Variants in ATP1A1 observed in about 807,000 individuals in gnomAD.
ATP1A1 encodes the protein ATPase Na+/K+ transporting subunit alpha 1, also known as sodium/potassium-transporting ATPase subunit alpha-1.
Under a neutral mutation model 114.8 loss-of-function variants are expected in ATP1A1, and 14 were observed. The ratio of observed to expected loss-of-function variants is 0.12; its 90% CI spans 0.08 to 0.19. ATP1A1 has a LOEUF of 0.19. ATP1A1 is among the 10% of genes least tolerant of loss of function. The pLI, the probability that ATP1A1 is intolerant of heterozygous loss-of-function variation, is 1.00. For synonymous variants in ATP1A1, 471 were observed against 466.3 expected, an observed-to-expected ratio of 1.01 and a Z score of -0.13; for missense variants, 524 against 1,290.7, an observed-to-expected ratio of 0.41 and a Z score of 9.10.
Position 116,393,744 on chromosome 1 carries a change from CAG to C in ATP1A1, c.1660+24_1660+25del. On this transcript the variant is annotated intron_variant, in intron 12 of 22. Coordinates refer to ENST00000295598, the MANE Select transcript of ATP1A1 (RefSeq NM_000701.8). This position sits in a 1 kb window ranked among gnomAD's most constrained non-coding sequence, Gnocchi z 5.0. ...CCTAGGTATGCAGATAACCTGGTAA[CAG>C]AGTGCCTGGGCACGTTTTTATCCAG... 1 of 1,605,750 alleles carries C rather than the reference CAG, an allele frequency of 6.2e-7. No individual in the cohort carries two copies. Among genetic ancestry groups the C allele is most frequent in the Non-Finnish European group, 8.5e-7 (1 of 1,176,150 alleles).
intron 10 of ATP1A1, among the ~76,000 whole-genome samples, chr1:116,391,456 T>C (rs1570960682): frequency 6.6e-6 from 1 of 152,186 alleles, no homozygotes; most frequent in Admixed American, 6.5e-5. Context: ...TTTGAAATGA[T>C]TGAGATTTTA....
In ATP1A1 at chr1:116,373,483, C is replaced by T. The variant is rs191795671; in HGVS notation, c.-29C>T. On this transcript the variant is annotated 5_prime_UTR_variant, in exon 1 of 23. Transcript: ENST00000295598. ...TCTCTCTGATTCTCCAGCGACAGGA[C>T]CCGGCGCCGGGCACTGAGCACCGCC... The T allele has an allele frequency of 0.02, 30,110 of 1,514,206 alleles. 408 individuals carry two copies. The highest frequency in any genetic ancestry group is 0.038 in the South Asian group (3,078 of 80,674). The allele number at this position is 1,514,206 out of a possible 1,614,324, so 93.8% of individuals were successfully genotyped here.
intron 1 of ATP1A1, among the ~76,000 whole-genome samples, chr1:116,380,487 A>G (rs1244512072): frequency 6.6e-6 from 1 of 152,224 alleles, no homozygotes; most frequent in Non-Finnish European, 1.5e-5. Flanking sequence ...TAGCTTATGC[A>G]GACCTGAAGC....
At position 116,395,901 on chromosome 1, in the gene ATP1A1, G is replaced by A. The variant is rs562035024; in HGVS notation, c.1836+616G>A. ...CAAGTAGCTGGAATTACAGGCACCC[G>A]CTACCACGCCCAGCTAATTTTTGTA... On this transcript the variant is annotated intron_variant, in intron 13 of 22. Coordinates refer to ENST00000295598, the MANE Select transcript of ATP1A1 (RefSeq NM_000701.8). This position sits in a 1 kb window ranked among gnomAD's most constrained non-coding sequence, Gnocchi z 6.4. Among the ~76,000 whole-genome samples, 23 of 152,080 alleles carry A rather than the reference G, an allele frequency of 1.5e-4. No homozygotes were observed. The highest frequency in any genetic ancestry group is 5.5e-4 in the African/African-American group (23 of 41,476).
chr1:116,380,387 T>C (rs966872103), intron 1 of ATP1A1, among the ~76,000 whole-genome samples: 2 of 152,144 alleles, frequency 1.3e-5, no homozygotes, highest in Non-Finnish European at 2.9e-5. Flanking sequence ...GCTGATATGG[T>C]GGGAAAAATG....
At chr1:116,373,862 C>CT in intron 1 of ATP1A1, 1 of 1,259,646 alleles carries the variant, frequency 7.9e-7, no homozygotes, top group South Asian at 2.5e-5. Flanking sequence ...GAGGAGGGGG[C>CT]TTGCAGCAGC....
intron 21 of ATP1A1, among the ~76,000 whole-genome samples, chr1:116,403,656 G>A (rs971982703): frequency 6.6e-6 from 1 of 152,186 alleles, no homozygotes; most frequent in African/African-American, 2.4e-5. Flanking sequence ...CCATTACAAA[G>A]TCTGCAGACT....
intron 18 of ATP1A1, 96 bp from the exon 19 acceptor site, chr1:116,400,765 A>G: frequency 7.0e-7 from 1 of 1,425,220 alleles, no homozygotes; most frequent in Non-Finnish European, 9.6e-7. Flanking sequence ...ACTCCTCCAT[A>G]TGTGCTCTCC....
At position 116,401,883 on chromosome 1, in the gene ATP1A1, A is replaced by C. The variant is rs1653509245; in HGVS notation, c.2951+228A>C. The C allele has an allele frequency of 1.7e-6, 1 of 574,970 alleles. No homozygotes were observed. The highest frequency in any genetic ancestry group is 1.9e-5 in the African/African-American group (1 of 53,204). 35.6% of individuals were successfully genotyped at this position (574,970 alleles called of 1,614,324 possible). ...TAGGATTTGGCCCAAGATAAGATAA[A>C]GCCACACAGGCTCTAGCTCCATGGA... On this transcript the variant is annotated intron_variant, in intron 21 of 22. Coordinates refer to ENST00000295598, the MANE Select transcript of ATP1A1 (RefSeq NM_000701.8). The surrounding 1 kb of genome is among the most constrained non-coding windows in gnomAD (Gnocchi z 4.7).
Position 116,395,643 on chromosome 1 carries a change from T to C in ATP1A1, c.1836+358T>C, listed in dbSNP as rs1652844452. Reference sequence around the variant, plus strand: ...TTTCAGTTAACTGTTTGTTAATGAGTGTTTGGTGTCCTCTGTGTATCTGTC... The same window carrying C: ...TTTCAGTTAACTGTTTGTTAATGAGCGTTTGGTGTCCTCTGTGTATCTGTC... On this transcript the variant is annotated intron_variant, in intron 13 of 22. Coordinates refer to ENST00000295598, the MANE Select transcript of ATP1A1 (RefSeq NM_000701.8). This position sits in a 1 kb window ranked among gnomAD's most constrained non-coding sequence, Gnocchi z 6.4. 2.0e-5 allele frequency among the ~76,000 whole-genome samples: 3 copies of C among 152,204 alleles called. No homozygotes were observed. The highest frequency in any genetic ancestry group is 1.9e-4 in the East Asian group (1 of 5,202).
Position 116,394,813 on chromosome 1 carries a change from T to A in ATP1A1, c.1661-297T>A, listed in dbSNP as rs529738778. The stretch of plus-strand genomic sequence containing the variant: ...TCATCAGTGGGCAAGTCTAGAACCC[T>A]AATATCCTGGTGCTCAAAATTAGTG... On this transcript the variant is annotated intron_variant, in intron 12 of 22. Transcript: ENST00000295598. Among the ~76,000 whole-genome samples the A allele has an allele frequency of 2.5e-3, 377 of 152,306 alleles. 2 individuals carry two copies. Among genetic ancestry groups the A allele is most frequent in the African/African-American group, 8.5e-3 (355 of 41,570 alleles).
rs557767586 is a variant in ATP1A1, at chr1:116,389,239, A to G, written c.755-200A>G. 3.3e-5 allele frequency among the ~76,000 whole-genome samples: 5 copies of G among 152,224 alleles called. No individual in the cohort carries two copies. The highest frequency in any genetic ancestry group is 2.6e-4 in the Admixed American group (4 of 15,264). Reference sequence around the variant, plus strand: ...CTTCTGTCAACAACACCAGTCTGGCATGGGTGTTGGAGCTGCTGTCCTGCT... The same window carrying G: ...CTTCTGTCAACAACACCAGTCTGGCGTGGGTGTTGGAGCTGCTGTCCTGCT... On this transcript the variant is annotated intron_variant, in intron 7 of 22. Transcript: ENST00000295598. The surrounding 1 kb of genome is among the most constrained non-coding windows in gnomAD (Gnocchi z 6.9).
chr1:116,402,150 G>GGTA (rs1480871177), intron 21 of ATP1A1: 1 of 154,544 alleles, frequency 6.5e-6, no homozygotes, highest in Non-Finnish European at 1.4e-5. Context: ...ATCAGTCATG[G>GGTA]GTAGAGTTGA....
chr1:116,398,616 G>A lies in ATP1A1; in HGVS notation c.2125-5G>A, dbSNP rs1160379377. The A allele has an allele frequency of 6.2e-7, 1 of 1,612,918 alleles. No individual in the cohort carries two copies. The highest frequency in any genetic ancestry group is 1.7e-5 in the Admixed American group (1 of 59,942). The stretch of plus-strand genomic sequence containing the variant: ...TATTAACCCGTTTTCCCTTTTCTGG[G>A]GTAGGGTGCTATCGTGGCTGTGACT... On this transcript the variant is annotated splice_polypyrimidine_tract_variant and splice_region_variant and intron_variant, in intron 15 of 22. Transcript: ENST00000295598. This position sits in a 1 kb window ranked among gnomAD's most constrained non-coding sequence, Gnocchi z 6.1.
Position 116,399,563 on chromosome 1 carries a change from G to A in ATP1A1, c.2572+20G>A. On this transcript the variant is annotated intron_variant, in intron 18 of 22. Transcript: ENST00000295598. The surrounding 1 kb of genome is among the most constrained non-coding windows in gnomAD (Gnocchi z 5.0). The stretch of plus-strand genomic sequence containing the variant: ...AGATTGGTAAGCTGCAGCCTGGAGT[G>A]GGAAGCTGGCACATCTAAGGCATCT... 2 of 1,613,452 alleles carry A rather than the reference G, an allele frequency of 1.2e-6. No individual in the cohort carries two copies. Among genetic ancestry groups the A allele is most frequent in the African/African-American group, 1.3e-5 (1 of 74,976 alleles).
chr1:116,404,054 G>A lies in ATP1A1; in HGVS notation c.3043+79G>A. ...TCTATTGGTTTTTTGTTTCCCTCAA[G>A]GTGTCTAGGCTCCCTCAGTGGTCAG... On this transcript the variant is annotated intron_variant, in intron 22 of 22. Transcript: ENST00000295598. This position sits in a 1 kb window ranked among gnomAD's most constrained non-coding sequence, Gnocchi z 4.8. The A allele has an allele frequency of 2.1e-6, 3 of 1,406,004 alleles. No homozygotes were observed. The highest frequency in any genetic ancestry group is 3.0e-6 in the Non-Finnish European group (3 of 1,006,510). 87.1% of individuals were successfully genotyped at this position (1,406,004 alleles called of 1,614,324 possible).
At position 116,374,055 on chromosome 1, in the gene ATP1A1, C is replaced by T. The variant is rs908013299; in HGVS notation, c.12+532C>T. The T allele has an allele frequency of 5.7e-6, 8 of 1,403,288 alleles. No individual in the cohort carries two copies. The Admixed American group carries it at 8.9e-5, about 16-fold the overall frequency. 86.9% of individuals were successfully genotyped at this position (1,403,288 alleles called of 1,614,324 possible). On this transcript the variant is annotated intron_variant, in intron 1 of 22. Transcript: ENST00000295598. ...CGGGCCTCCGTTCCCGCCGCGGCCCCGGTTCCGGCGGGGGCAGCCTCCGGG... is the reference window on the plus strand; with the variant it reads ...CGGGCCTCCGTTCCCGCCGCGGCCCTGGTTCCGGCGGGGGCAGCCTCCGGG...
rs754714789 is a variant in ATP1A1, at chr1:116,395,140, A to G, written c.1691A>G (p.Gln564Arg). ...TGCCACCTCTTTCTGCCAGATGAAC[A>G]GTTTCCTGAAGGGTTCCAGTTTGAC... ...GFCHLFLPDE[Q>R]FPEGFQFDTD... Residue 564 changes from glutamine to arginine, a missense_variant, in exon 13 of 23, where the codon CAG (glutamine) becomes CGG (arginine). Physicochemically the swap from Gln to Arg is conservative, Grantham distance 43 (BLOSUM62 1). Coordinates refer to ENST00000295598, the MANE Select transcript of ATP1A1 (RefSeq NM_000701.8). The surrounding 1 kb of genome is among the most constrained non-coding windows in gnomAD (Gnocchi z 6.4). 38 of 1,613,896 alleles carry G rather than the reference A, an allele frequency of 2.4e-5. No individual in the cohort carries two copies. The highest frequency in any genetic ancestry group is 3.0e-5 in the Non-Finnish European group (35 of 1,179,968).
intron 1 of ATP1A1, among the ~76,000 whole-genome samples, chr1:116,378,026 G>A (rs1651482901): frequency 1.3e-5 from 2 of 152,236 alleles, no homozygotes; most frequent in African/African-American, 4.8e-5. Flanking sequence ...ATGAGAGGAA[G>A]TGTGTATTCT....
Sources: allele counts gnomAD v4.1 joint callset (sites outside exome capture counted in the v4.1 genomes callset), GRCh38; gene constraint gnomAD v4.1.1; non-coding constraint Gnocchi (gnomAD v3.1); transcripts MANE v1.5; gene names NCBI Gene and HGNC (gene_info 2026-07-23, HGNC 2026-07-21).